The following CALN1 variants were observed in gnomAD, a reference collection of about 807,000 sequenced individuals.
CALN1 encodes the protein calcium-binding protein 8.
In CALN1, 17 loss-of-function variants were observed where a neutral mutation model predicts 30.6. That is an observed-to-expected ratio of 0.56 (90% confidence interval 0.38 to 0.83). The LOEUF is 0.83. Ranked by LOEUF, CALN1 falls within the 40% of genes least tolerant of loss-of-function variation. The pLI is 0.00. For synonymous variants in CALN1, 156 were observed against 131.4 expected (o/e 1.19, Z -1.28); for missense variants, 291 against 354.9 (o/e 0.82, Z 1.45).
intron 5 of CALN1, among the ~76,000 whole-genome samples, chr7:71,821,043 T>C (rs988628682): frequency 4.6e-5 from 7 of 152,184 alleles, no homozygotes; most frequent in African/African-American, 1.7e-4. Flanking sequence ...AAATTTTGGA[T>C]GCATTCTTTG....
chr7:72,252,856 GC>G (rs1389789814), intron 3 of CALN1, among the ~76,000 whole-genome samples: 2 of 152,166 alleles, frequency 1.3e-5, no homozygotes, highest in African/African-American at 4.8e-5. Flanking sequence ...ATTCTACTTT[GC>G]TTACTGCTGC....
intron 2 of CALN1, among the ~76,000 whole-genome samples, chr7:72,308,285 A>T (rs1169483017): frequency 6.7e-6 from 1 of 148,344 alleles, no homozygotes; most frequent in Non-Finnish European, 1.5e-5. Context: ...GATCATTTGA[A>T]CCAGGGAGAA....
At chr7:71,903,492 A>G (rs1403824873) in intron 5 of CALN1, among the ~76,000 whole-genome samples, 2 of 152,164 alleles carry the variant, frequency 1.3e-5, no homozygotes, top group African/African-American at 2.4e-5. Flanking sequence ...GGAAAACTGG[A>G]TATCTAAATG....
chr7:72,175,223 G>A (rs924689955), intron 3 of CALN1, among the ~76,000 whole-genome samples: 11 of 151,900 alleles, frequency 7.2e-5, no homozygotes, highest in Admixed American at 1.3e-4. Context: ...ACAGGCGCCC[G>A]CCACCACACC....
chr7:71,968,673 T>C (rs1162837611), intron 5 of CALN1, among the ~76,000 whole-genome samples: 3 of 148,440 alleles, frequency 2.0e-5, no homozygotes. Flanking sequence ...TGAGCCACCG[T>C]GCCGGGACCC....
intron 5 of CALN1, among the ~76,000 whole-genome samples, chr7:71,968,993 G>A (rs1014747485): frequency 2.7e-5 from 4 of 150,550 alleles, no homozygotes; most frequent in African/African-American, 9.8e-5. Flanking sequence ...AGGCTGCAGT[G>A]AACTATGATT....
At chr7:71,962,012 C>T (rs538254469) in intron 5 of CALN1, among the ~76,000 whole-genome samples, 42 of 152,126 alleles carry the variant, frequency 2.8e-4, no homozygotes, top group Non-Finnish European at 5.1e-4. Context: ...CCTGCCTACC[C>T]TATGTCCATC....
At chr7:71,852,454 T>G (rs534561182) in intron 5 of CALN1, among the ~76,000 whole-genome samples, 3 of 140,850 alleles carry the variant, frequency 2.1e-5, no homozygotes, top group African/African-American at 8.3e-5. Flanking sequence ...CTGGGCATTA[T>G]AGTGAGACCC....
intron 2 of CALN1, among the ~76,000 whole-genome samples, chr7:72,303,913 A>G (rs972704675): frequency 2.0e-5 from 3 of 151,902 alleles, no homozygotes; most frequent in Admixed American, 6.5e-5. Context: ...TGCTTGTATC[A>G]TATTTGTTTC....
At chr7:72,188,582 A>T (rs936993637) in intron 3 of CALN1, among the ~76,000 whole-genome samples, 2 of 152,116 alleles carry the variant, frequency 1.3e-5, no homozygotes, top group African/African-American at 4.8e-5. Context: ...GGAATAAAAA[A>T]TTACAAATTG....
rs192325573 is a variant in CALN1 at position 72,356,347 on chromosome 7, T to C, written c.119+46904A>G. Among the ~76,000 whole-genome samples, 88 of 152,048 alleles carry C rather than the reference T, an allele frequency of 5.8e-4. 1 individual carries two copies. In the Middle Eastern group the frequency reaches 0.01, roughly 18 times the overall value. On this transcript the variant is annotated intron_variant, in intron 2 of 6. Coordinates refer to ENST00000395275, the MANE Select transcript of CALN1 (RefSeq NM_031468.4). ...TAATAATGTTTGGTAGTTTCTTAAATCCACGAAGAAGTAAAATACATGAAA... is the reference window on the plus strand; with the variant it reads ...TAATAATGTTTGGTAGTTTCTTAAACCCACGAAGAAGTAAAATACATGAAA...
At chr7:71,920,723 A>G (rs1400241450) in intron 5 of CALN1, among the ~76,000 whole-genome samples, 2 of 152,192 alleles carry the variant, frequency 1.3e-5, no homozygotes, top group Non-Finnish European at 2.9e-5. Flanking sequence ...TTGAGCACAT[A>G]TGCCTGACAC....
intron 5 of CALN1, among the ~76,000 whole-genome samples, chr7:71,969,818 T>C (rs1373981078): frequency 6.7e-6 from 1 of 149,002 alleles, no homozygotes; most frequent in Non-Finnish European, 1.5e-5. Context: ...TACAGGCTAC[T>C]GTAGGACCAT....
intron 2 of CALN1, among the ~76,000 whole-genome samples, chr7:72,395,395 T>C (rs1180775475): frequency 6.6e-6 from 1 of 151,700 alleles, no homozygotes; most frequent in Non-Finnish European, 1.5e-5. Flanking sequence ...GGTTCCAGGC[T>C]CAAACTGTAT....
chr7:72,397,714 T>TCTCACACACACACACACA (rs142607076), intron 2 of CALN1, among the ~76,000 whole-genome samples: 140 of 142,912 alleles, frequency 9.8e-4, no homozygotes, highest in East Asian at 3.8e-3. Context: ...CCATTCTCTC[T>TCTCACACACACACACACA]CACACACACA....
intron 5 of CALN1, among the ~76,000 whole-genome samples, chr7:71,863,616 T>C (rs1257507023): frequency 8.4e-6 from 1 of 119,734 alleles, no homozygotes; most frequent in Non-Finnish European, 1.8e-5. Context: ...AAAACACCCA[T>C]ACAAGCAACT....
At chr7:72,120,654 C>G (rs373263334) in intron 3 of CALN1, among the ~76,000 whole-genome samples, 2 of 152,280 alleles carry the variant, frequency 1.3e-5, no homozygotes, top group East Asian at 3.9e-4. Context: ...TTACACCACC[C>G]TCTGCTTCCC....
At chr7:72,478,335 T>C in the CALN1 span, among the ~76,000 whole-genome samples, 1 of 147,510 alleles carries the variant, frequency 6.8e-6, no homozygotes, top group South Asian at 2.1e-4. Context: ...ATTATATATT[T>C]ATATAATATA....
Position 71,900,978 on chromosome 7 carries a change from C to G in CALN1, c.502-90486G>C, listed in dbSNP as rs1052696350. Among the ~76,000 whole-genome samples the G allele has an allele frequency of 7.2e-5, 11 of 152,108 alleles. 1 individual carries two copies. Among genetic ancestry groups the G allele is most frequent in the African/African-American group, 2.7e-4 (11 of 41,412 alleles). The stretch of plus-strand genomic sequence containing the variant: ...CTTTCATGAATAATCATGTAAGACT[C>G]ACATAAAAGGAGTTTCCCCAATGCC... On this transcript the variant is annotated intron_variant, in intron 5 of 6. Coordinates refer to ENST00000395275, the MANE Select transcript of CALN1 (RefSeq NM_031468.4).
Sources: gnomAD v4.1 joint callset for allele counts (sites outside exome capture counted in the v4.1 genomes callset) on GRCh38, gnomAD v4.1.1 for gene constraint, MANE v1.5 for transcripts, NCBI Gene and HGNC (gene_info 2026-07-23, HGNC 2026-07-21) for gene names.